Variants in DLG2 observed in about 807,000 individuals in gnomAD.
DLG2 encodes disks large homolog 2.
Under a neutral mutation model 132.5 loss-of-function variants are expected in DLG2, and 45 were observed. That is an observed-to-expected ratio of 0.34 (90% confidence interval 0.27 to 0.44). The LOEUF (loss-of-function observed/expected upper bound fraction) is 0.44, where lower values mean the gene tolerates loss of function less well. DLG2 is among the 20% of genes least tolerant of loss of function. The pLI, the probability that DLG2 is intolerant of heterozygous loss-of-function variation, is 1.00. For synonymous variants in DLG2, 424 were observed against 419.6 expected (o/e 1.01, Z -0.13); for missense variants, 1,045 against 1,196.9 (o/e 0.87, Z 1.87).
intron 19 of DLG2, among the ~76,000 whole-genome samples, chr11:83,590,744 C>T (rs949013017): frequency 3.3e-5 from 5 of 151,776 alleles, no homozygotes; most frequent in Admixed American, 2.6e-4. Context: ...AGACCGCTAG[C>T]AAGACTAATA....
chr11:83,483,832 G>C (rs1395382753), intron 22 of DLG2, among the ~76,000 whole-genome samples: 1 of 152,148 alleles, frequency 6.6e-6, no homozygotes, highest in African/African-American at 2.4e-5. Flanking sequence ...TCAAGACTTA[G>C]AGGGTTGCAT....
chr11:84,535,555 G>GA (rs201525802), intron 6 of DLG2, among the ~76,000 whole-genome samples: 32 of 150,978 alleles, frequency 2.1e-4, no homozygotes, highest in African/African-American at 6.1e-4. Flanking sequence ...AGTTGGCAGA[G>GA]AAAAAAAAAG....
chr11:84,996,859 G>A (rs533187752), intron 6 of DLG2, among the ~76,000 whole-genome samples: 16 of 152,256 alleles, frequency 1.1e-4, no homozygotes, highest in South Asian at 8.3e-4. Context: ...ACATCAGAGC[G>A]TCTTGCAGCT....
chr11:84,303,702 G>C (rs2098183009), intron 7 of DLG2, among the ~76,000 whole-genome samples: 1 of 152,080 alleles, frequency 6.6e-6, no homozygotes, highest in Non-Finnish European at 1.5e-5. Context: ...TATTTCAATA[G>C]CACCACAGAA....
chr11:84,649,136 A>G (rs1763885953), intron 6 of DLG2, among the ~76,000 whole-genome samples: 1 of 152,128 alleles, frequency 6.6e-6, no homozygotes, highest in Non-Finnish European at 1.5e-5. Context: ...TTTTCTTTGC[A>G]GGTTTGTTCT....
intron 22 of DLG2, among the ~76,000 whole-genome samples, chr11:83,479,897 T>A (rs1307937892): frequency 6.6e-6 from 1 of 152,070 alleles, no homozygotes; most frequent in Non-Finnish European, 1.5e-5. Flanking sequence ...GAAAGTGATG[T>A]AAAAGATTCA....
chr11:84,036,680 T>A lies in DLG2; in HGVS notation c.919+22635A>T, dbSNP rs115395919. Among the ~76,000 whole-genome samples the A allele has an allele frequency of 1.6e-3, 247 of 152,180 alleles. 1 individual carries two copies. Among genetic ancestry groups the A allele is most frequent in the African/African-American group, 5.2e-3 (215 of 41,528 alleles). On this transcript the variant is annotated intron_variant, in intron 11 of 27. Coordinates refer to ENST00000376104, the MANE Select transcript of DLG2 (RefSeq NM_001142699.3). ...ATTGCAAGAGTTTTCTTAGAAAAAA[T>A]TATAAGAAAATCTTCCAGCTAAAAG...
chr11:85,129,632 G>A (rs563163845), intron 5 of DLG2, among the ~76,000 whole-genome samples: 69 of 152,272 alleles, frequency 4.5e-4, no homozygotes, highest in Non-Finnish European at 9.0e-4. Flanking sequence ...TTCAACCATT[G>A]TGGAAGACAG....
At chr11:84,023,587 T>C (rs1593299876) in intron 11 of DLG2, among the ~76,000 whole-genome samples, 1 of 152,296 alleles carries the variant, frequency 6.6e-6, no homozygotes, top group Middle Eastern at 3.4e-3. Flanking sequence ...GGGTTCAAAT[T>C]GTATAGGCCC....
At chr11:85,450,176 C>G (rs976687168) in intron 3 of DLG2, among the ~76,000 whole-genome samples, 1 of 152,076 alleles carries the variant, frequency 6.6e-6, no homozygotes. Context: ...ATCAGGGCAG[C>G]CTTTGTGGTT....
At chr11:84,706,519 T>C (rs1596152476) in intron 6 of DLG2, among the ~76,000 whole-genome samples, 1 of 151,786 alleles carries the variant, frequency 6.6e-6, no homozygotes, top group African/African-American at 2.4e-5. Context: ...ACTGAGTCTG[T>C]GATAGGTAAT....
chr11:85,314,889 A>T (rs1596170415), intron 3 of DLG2, among the ~76,000 whole-genome samples: 1 of 151,926 alleles, frequency 6.6e-6, no homozygotes, highest in East Asian at 1.9e-4. Flanking sequence ...ATACAGAACC[A>T]GTTCCCCCAT....
chr11:83,846,448 A>G lies in DLG2; in HGVS notation c.1566-12678T>C, dbSNP rs115772069. ...TGTAAGCCTTAAGTGTTTATGTTACATTGTTCTGTTTCTACAGCCCCCCAA... is the reference window on the plus strand; with the variant it reads ...TGTAAGCCTTAAGTGTTTATGTTACGTTGTTCTGTTTCTACAGCCCCCCAA... On this transcript the variant is annotated intron_variant, in intron 16 of 27. Transcript: ENST00000376104. 3.3e-3 allele frequency among the ~76,000 whole-genome samples: 505 copies of G among 152,310 alleles called. 3 individuals are homozygous for G. The highest frequency in any genetic ancestry group is 0.012 in the African/African-American group (486 of 41,578).
chr11:84,364,684 C>A (rs988554167), intron 7 of DLG2, among the ~76,000 whole-genome samples: 3 of 152,086 alleles, frequency 2.0e-5, no homozygotes, highest in Non-Finnish European at 4.4e-5. Flanking sequence ...AGATACGTCC[C>A]ATCAATACCA....
chr11:84,816,860 T>G (rs970435840), intron 6 of DLG2, among the ~76,000 whole-genome samples: 1 of 152,060 alleles, frequency 6.6e-6, no homozygotes, highest in Non-Finnish European at 1.5e-5. Flanking sequence ...AGAATTATTT[T>G]GGACTTCAAT....
At chr11:84,776,962 C>G (rs966537447) in intron 6 of DLG2, among the ~76,000 whole-genome samples, 3 of 151,834 alleles carry the variant, frequency 2.0e-5, no homozygotes, top group African/African-American at 7.3e-5. Context: ...TGTTATAGTG[C>G]TCAAGTCAGG....
At chr11:84,076,832 AAT>A (rs772095126) in intron 10 of DLG2, among the ~76,000 whole-genome samples, 2 of 152,342 alleles carry the variant, frequency 1.3e-5, no homozygotes, top group South Asian at 2.1e-4. Context: ...ACTTCCAGAA[AAT>A]ATGTTTGCTA....
chr11:84,770,250 T>C (rs988859151), intron 6 of DLG2, among the ~76,000 whole-genome samples: 13 of 152,188 alleles, frequency 8.5e-5, no homozygotes, highest in Admixed American at 7.9e-4. Flanking sequence ...GCTGAGCAGA[T>C]GCTGGTGTCA....
At chr11:85,127,141 T>G (rs1221716800) in intron 5 of DLG2, among the ~76,000 whole-genome samples, 1 of 152,116 alleles carries the variant, frequency 6.6e-6, no homozygotes, top group South Asian at 2.1e-4. Flanking sequence ...GATCTATCTC[T>G]GCATCCTCTA....
Sources: gnomAD v4.1 joint callset for allele counts (sites outside exome capture counted in the v4.1 genomes callset) on GRCh38, gnomAD v4.1.1 for gene constraint, MANE v1.5 for transcripts, NCBI Gene and HGNC (gene_info 2026-07-23, HGNC 2026-07-21) for gene names.